The following IDO1 variants were observed in gnomAD, a reference collection of about 807,000 sequenced individuals.
IDO1 encodes indoleamine 2,3-dioxygenase 1.
In IDO1, 35 loss-of-function variants were observed where a neutral mutation model predicts 38.8. The observed-to-expected ratio is 0.90, with a 90% CI of 0.69 to 1.20. The LOEUF (loss-of-function observed/expected upper bound fraction) is 1.20, where lower values mean the gene tolerates loss of function less well. Ranked by LOEUF, IDO1 falls within the 50% of genes most tolerant of loss-of-function variation. The pLI, the probability that IDO1 is intolerant of heterozygous loss-of-function variation, is 0.00. For synonymous variants in IDO1, 171 were observed against 170.0 expected (o/e 1.01, Z -0.05); for missense variants, 509 against 485.1 (o/e 1.05, Z -0.46).
rs778828448 is a variant in IDO1 at position 39,925,235 on chromosome 8, C to T, written c.720C>T (p.Asn240=). The T allele has an allele frequency of 3.7e-5, 59 of 1,587,372 alleles. No individual in the cohort carries two copies. The Middle Eastern group carries it at 5.4e-4, about 15-fold the overall frequency. The change falls in exon 9 of 10, where the codon AAC becomes AAT. Residue 240 remains asparagine, a synonymous_variant. Coordinates refer to ENST00000518237, the MANE Select transcript of IDO1 (RefSeq NM_002164.6). ...LRIYLSGWKG[N]PQLSDGLVYE... is the part of the protein sequence containing the mutation. Reference sequence around the variant, plus strand: ...TTTCCTCTGATAGCTGGAAAGGCAACCCCCAGCTATCAGACGGTCTGGTGT... The same window carrying T: ...TTTCCTCTGATAGCTGGAAAGGCAATCCCCAGCTATCAGACGGTCTGGTGT...
At chr8:39,925,123 T>C in intron 8 of IDO1, 100 bp from the exon 9 acceptor site, 2 of 1,119,018 alleles carry the variant, frequency 1.8e-6, no homozygotes, top group South Asian at 1.7e-5. Context: ...AATCCATCTC[T>C]TGTCACCTTC....
intron 5 of IDO1, chr8:39,921,000 G>A (rs1253318226): frequency 2.0e-5 from 3 of 152,172 alleles, no homozygotes; most frequent in Non-Finnish European, 2.9e-5. Flanking sequence ...CAAATAAAAG[G>A]AGTGATGGGG....
Position 39,923,602 on chromosome 8 carries a change from A to C in IDO1, c.655+16A>C. 1.4e-6 allele frequency: 2 copies of C among 1,429,580 alleles called. No homozygotes were observed. The highest frequency in any genetic ancestry group is 2.0e-6 in the Non-Finnish European group (2 of 1,013,058). 88.6% of individuals were successfully genotyped at this position (1,429,580 alleles called of 1,614,324 possible). On this transcript the variant is annotated intron_variant, in intron 7 of 9. Coordinates refer to ENST00000518237, the MANE Select transcript of IDO1 (RefSeq NM_002164.6). ...CAAATCCACGGCAAGTGTTGTGTGC[A>C]GTGCAATAGTCTAGGCTGACAAGTC... is the stretch of plus-strand genomic sequence containing the variant.
intron 5 of IDO1, among the ~76,000 whole-genome samples, chr8:39,921,428 G>C (rs1296928522): frequency 6.6e-6 from 1 of 152,088 alleles, no homozygotes; most frequent in Non-Finnish European, 1.5e-5. Context: ...ACTCCAGCCT[G>C]GGCGACAGAG....
intron 3 of IDO1, 143 bp downstream of exon 3, chr8:39,918,350 C>T (rs561133933): frequency 2.7e-6 from 2 of 731,108 alleles, no homozygotes; most frequent in African/African-American, 1.8e-5. Flanking sequence ...AGAAAATATG[C>T]CCTGGCTTGA....
At chr8:39,914,636 A>G (rs143514959) in intron 1 of IDO1, among the ~76,000 whole-genome samples, 197 of 152,370 alleles carry the variant, frequency 1.3e-3, no homozygotes, top group African/African-American at 4.5e-3. Context: ...CTGTCTTCTA[A>G]CGAATGCTAT....
In IDO1 at chr8:39,918,834, C is replaced by T; in HGVS notation, c.323C>T (p.Ala108Val). Residue 108 changes from alanine (A) to valine (V), a missense_variant, in exon 4 of 10, where the codon GCT (alanine) becomes GTT (valine). By Grantham distance (64) the Ala-to-Val change is moderately conservative. Transcript: ENST00000518237. ...DVRKVLPRNI[A>V]VPYCQLSKKL... is the part of the protein sequence containing the mutation. ...AATCAGGTCTTGCCAAGAAATATTGCTGTTCCTTACTGCCAACTCTCCAAG... is the reference window on the plus strand; with the variant it reads ...AATCAGGTCTTGCCAAGAAATATTGTTGTTCCTTACTGCCAACTCTCCAAG... The T allele has an allele frequency of 6.2e-7, 1 of 1,606,500 alleles. No individual in the cohort carries two copies. Among genetic ancestry groups the T allele is most frequent in the Non-Finnish European group, 8.5e-7 (1 of 1,174,232 alleles).
intron 1 of IDO1, chr8:39,914,211 C>A: frequency 2.1e-6 from 1 of 483,674 alleles, no homozygotes. Context: ...GTCATCTATG[C>A]ATTTCTTACT....
chr8:39,915,611 TACTC>T (rs1336165674), intron 1 of IDO1: 1 of 152,210 alleles, frequency 6.6e-6, no homozygotes, highest in African/African-American at 2.4e-5. Context: ...AAAACAATAA[TACTC>T]AAACTTGCTA....
intron 3 of IDO1, 34 bp from the exon 4 acceptor site, chr8:39,918,781 A>G (rs1393277164): frequency 9.6e-7 from 1 of 1,045,952 alleles, no homozygotes; most frequent in Non-Finnish European, 1.5e-6. Context: ...AACAACAACA[A>G]CAACAAAAAA....
chr8:39,924,050 A>C (rs1341932459), intron 7 of IDO1: 3 of 152,572 alleles, frequency 2.0e-5, no homozygotes, highest in African/African-American at 7.2e-5. Context: ...ACAGCTAAAA[A>C]ACTACCCACA....
chr8:39,916,543 G>A (rs182304048), intron 1 of IDO1, among the ~76,000 whole-genome samples: 8 of 152,090 alleles, frequency 5.3e-5, no homozygotes, highest in Admixed American at 5.2e-4. Context: ...CACTGTCCCG[G>A]AAACATGAAA....
chr8:39,928,720 G>C lies in IDO1; in HGVS notation c.*535G>C, dbSNP rs528913100. Among the ~76,000 whole-genome samples, 1 of 149,052 alleles carries C rather than the reference G, an allele frequency of 6.7e-6. No individual in the cohort carries two copies. Among genetic ancestry groups the C allele is most frequent in the East Asian group, 1.9e-4 (1 of 5,156 alleles). ...TGCAATCCGGCCTGGGCTAAAGAGC[G>C]GGACTCCGTCTCAAAAAAAAAAAAA... is the stretch of plus-strand genomic sequence containing the variant. On this transcript the variant is annotated 3_prime_UTR_variant, in exon 10 of 10. Transcript: ENST00000518237.
rs374527859 is a variant in IDO1, at chr8:39,917,684, G to A, written c.88-191G>A. Among the ~76,000 whole-genome samples, 16 of 152,326 alleles carry A rather than the reference G, an allele frequency of 1.1e-4. No individual in the cohort carries two copies. The South Asian group carries it at 2.3e-3, about 22-fold the overall frequency. On this transcript the variant is annotated intron_variant, in intron 1 of 9. Coordinates refer to ENST00000518237, the MANE Select transcript of IDO1 (RefSeq NM_002164.6). ...GCAGTGTTTGAAGAGAGAGGAAGAG[G>A]TGGAACACAGAGAGGGTCTTCAGCC...
Position 39,917,962 on chromosome 8 carries a change from G to A in IDO1, c.175G>A (p.Val59Ile). 1 of 1,612,896 alleles carries A rather than the reference G, an allele frequency of 6.2e-7. No individual in the cohort carries two copies. Among genetic ancestry groups the A allele is most frequent in the Non-Finnish European group, 8.5e-7 (1 of 1,179,054 alleles). Residue 59 changes from valine to isoleucine, a missense_variant, in exon 2 of 10, where the codon GTT (valine) becomes ATT (isoleucine). Val to Ile is a conservative substitution (Grantham distance 29). Transcript: ENST00000518237. ...LIESGQLRER[V>I]EKLNMLSIDH... is the part of the protein sequence containing the mutation. ...AGAGTCTGGCCAGCTTCGAGAAAGA[G>A]TTGAGAAGGTTTGACATATGTATTA...
intron 3 of IDO1, 45 bp from the exon 4 acceptor site, chr8:39,918,770 C>CAA (rs760531775): frequency 3.5e-6 from 1 of 288,008 alleles, no homozygotes; most frequent in African/African-American, 3.1e-5. Flanking sequence ...AAAAAAAAAA[C>CAA]AACAACAACA....
At chr8:39,927,304 T>G (rs578098815) in intron 9 of IDO1, among the ~76,000 whole-genome samples, 118 of 152,294 alleles carry the variant, frequency 7.7e-4, no homozygotes, top group African/African-American at 2.7e-3. Flanking sequence ...CTCATGCCTG[T>G]AATCCCAGCA....
Position 39,927,967 on chromosome 8 carries a change from T to A in IDO1, c.994T>A (p.Tyr332Asn). 6.2e-7 allele frequency: 1 copy of A among 1,604,938 alleles called. No homozygotes were observed. Among genetic ancestry groups the A allele is most frequent in the Non-Finnish European group, 8.5e-7 (1 of 1,175,636 alleles). Residue 332 changes from tyrosine (Y) to asparagine (N), a missense_variant, in exon 10 of 10, where the codon TAT (tyrosine) becomes AAT (asparagine). Tyr to Asn is a moderately radical substitution (Grantham distance 143, BLOSUM62 -2). Transcript: ENST00000518237. ...AGGTGATGCTGGCCTGCGGGAAGCTTATGACGCCTGTGTGAAAGCTCTGGT... is the reference window on the plus strand; with the variant it reads ...AGGTGATGCTGGCCTGCGGGAAGCTAATGACGCCTGTGTGAAAGCTCTGGT... ...SKGDAGLREA[Y>N]DACVKALVSL...
At chr8:39,923,270 G>A (rs1306157179) in intron 6 of IDO1, among the ~76,000 whole-genome samples, 199 bp from the exon 7 acceptor site, 2 of 152,052 alleles carry the variant, frequency 1.3e-5, no homozygotes, top group South Asian at 2.1e-4. Context: ...CGGGCATGGT[G>A]GTGGGCACCT....
Sources: allele counts gnomAD v4.1 joint callset (sites outside exome capture counted in the v4.1 genomes callset), GRCh38; gene constraint gnomAD v4.1.1; transcripts MANE v1.5; gene names NCBI Gene and HGNC (gene_info 2026-07-23, HGNC 2026-07-21).